Variants in KDM4C observed in about 807,000 individuals in gnomAD.
KDM4C encodes the protein lysine-specific demethylase 4C.
In KDM4C, 81 loss-of-function variants were observed where a neutral mutation model predicts 129.3. The ratio of observed to expected loss-of-function variants is 0.63; its 90% CI spans 0.52 to 0.75. The LOEUF (loss-of-function observed/expected upper bound fraction) is 0.75, where lower values mean the gene tolerates loss of function less well. Among genes scored for constraint, KDM4C ranks in the 30% least tolerant of loss-of-function variants. The pLI is 0.00. For synonymous variants in KDM4C, 573 were observed against 456.1 expected (o/e 1.26, Z -3.26); for missense variants, 1,457 against 1,304.0 (o/e 1.12, Z -1.81).
chr9:7,117,363 T>C (rs1839016676), intron 18 of KDM4C, among the ~76,000 whole-genome samples: 1 of 152,172 alleles, frequency 6.6e-6, no homozygotes, highest in African/African-American at 2.4e-5. Flanking sequence ...ATTCACCAAC[T>C]GTAATTGAGA....
chr9:7,007,867 A>G (rs936723349), intron 12 of KDM4C, among the ~76,000 whole-genome samples: 1 of 152,234 alleles, frequency 6.6e-6, no homozygotes, highest in African/African-American at 2.4e-5. Flanking sequence ...TTTTCATAAA[A>G]AATAATGATT....
At chr9:6,839,817 C>T (rs1214955086) in intron 4 of KDM4C, among the ~76,000 whole-genome samples, 9 of 151,904 alleles carry the variant, frequency 5.9e-5, no homozygotes, top group Admixed American at 5.2e-4. Flanking sequence ...TCAGGAGAAT[C>T]GCTTGAACCT....
chr9:6,834,030 C>T (rs939198435), intron 4 of KDM4C, among the ~76,000 whole-genome samples: 1 of 115,548 alleles, frequency 8.7e-6, no homozygotes, highest in African/African-American at 3.3e-5. Context: ...TGGGATATGA[C>T]TCAAGAGATA....
intron 8 of KDM4C, among the ~76,000 whole-genome samples, chr9:6,933,526 C>G (rs771100579): frequency 2.0e-5 from 3 of 152,146 alleles, no homozygotes. Flanking sequence ...GGGAATCTGG[C>G]TCTGCAAAAT....
At chr9:7,090,090 A>C (rs1404804137) in intron 17 of KDM4C, among the ~76,000 whole-genome samples, 2 of 152,178 alleles carry the variant, frequency 1.3e-5, no homozygotes, top group African/African-American at 2.4e-5. Flanking sequence ...CAGCTCCCTC[A>C]TTACACAGAG....
intron 1 of KDM4C, among the ~76,000 whole-genome samples, chr9:6,737,233 A>G (rs1264141133): frequency 6.6e-6 from 1 of 152,088 alleles, no homozygotes; most frequent in Non-Finnish European, 1.5e-5. Context: ...AACTATCAAC[A>G]GAATAAAAAG....
rs537245711 is a variant in KDM4C, at chr9:7,113,757, T to G, written c.2610+9887T>G. Among the ~76,000 whole-genome samples the G allele has an allele frequency of 1.4e-4, 21 of 152,336 alleles. No homozygotes were observed. In the South Asian group the frequency reaches 4.4e-3, roughly 32 times the overall value. ...AGCATTTGATGAGCTCCTATTATGT[T>G]GATCAATCTTCAAAGTCTGGGAAAT... On this transcript the variant is annotated intron_variant, in intron 18 of 21. Transcript: ENST00000381309.
intron 17 of KDM4C, among the ~76,000 whole-genome samples, chr9:7,064,137 T>G (rs2132720509): frequency 6.6e-6 from 1 of 152,354 alleles, no homozygotes; most frequent in Admixed American, 6.5e-5. Context: ...ACTATAGTTT[T>G]GGTAGGCCTA....
chr9:6,989,786 A>C (rs1473343849), intron 11 of KDM4C, among the ~76,000 whole-genome samples: 2 of 151,926 alleles, frequency 1.3e-5, no homozygotes, highest in East Asian at 1.9e-4. Context: ...TTACTTATTT[A>C]TTTTTGGCGA....
chr9:6,985,700 A>AT (rs904825718), intron 10 of KDM4C, among the ~76,000 whole-genome samples: 14 of 151,976 alleles, frequency 9.2e-5, no homozygotes, highest in South Asian at 4.2e-4. Flanking sequence ...AAATTTTTAA[A>AT]TTTTTTTTGA....
chr9:6,782,868 G>C (rs1292891692), intron 1 of KDM4C, among the ~76,000 whole-genome samples: 1 of 152,170 alleles, frequency 6.6e-6, no homozygotes, highest in Non-Finnish European at 1.5e-5. Context: ...AAAGACTCTT[G>C]GGGTGGTTGA....
chr9:6,959,157 C>G (rs1041890318), intron 8 of KDM4C, among the ~76,000 whole-genome samples: 1 of 152,202 alleles, frequency 6.6e-6, no homozygotes, highest in African/African-American at 2.4e-5. Context: ...CCCCCAAACA[C>G]TACTTTTAAA....
chr9:7,027,312 A>T (rs1825970464), intron 15 of KDM4C, among the ~76,000 whole-genome samples: 1 of 152,234 alleles, frequency 6.6e-6, no homozygotes, highest in Non-Finnish European at 1.5e-5. Flanking sequence ...CAAGCTCAGT[A>T]ACACTGTGGT....
At chr9:7,011,266 C>G (rs763329701) in intron 12 of KDM4C, among the ~76,000 whole-genome samples, 1 of 152,122 alleles carries the variant, frequency 6.6e-6, no homozygotes, top group African/African-American at 2.4e-5. Flanking sequence ...GAGCCATGTA[C>G]TATGTTAGAT....
At chr9:7,122,894 G>A (rs1375681132) in intron 18 of KDM4C, among the ~76,000 whole-genome samples, 1 of 152,126 alleles carries the variant, frequency 6.6e-6, no homozygotes, top group Non-Finnish European at 1.5e-5. Flanking sequence ...TCTGATGGAT[G>A]CCCTCGCATG....
intron 19 of KDM4C, among the ~76,000 whole-genome samples, chr9:7,155,212 C>T (rs950361013): frequency 2.0e-5 from 3 of 152,068 alleles, no homozygotes; most frequent in African/African-American, 7.2e-5. Context: ...GTGCCTGGTT[C>T]CTGGTGCTGA....
chr9:7,059,765 A>G (rs1831358777), intron 17 of KDM4C, among the ~76,000 whole-genome samples: 1 of 152,136 alleles, frequency 6.6e-6, no homozygotes, highest in Non-Finnish European at 1.5e-5. Context: ...ATTTAAAACA[A>G]CGCCACTCTT....
intron 9 of KDM4C, among the ~76,000 whole-genome samples, chr9:6,981,443 C>G (rs1816748828): frequency 6.6e-6 from 1 of 152,138 alleles, no homozygotes; most frequent in Non-Finnish European, 1.5e-5. Flanking sequence ...TAATCAATAA[C>G]TTGATTTTCC....
chr9:6,767,108 G>C (rs1160185220), intron 1 of KDM4C, among the ~76,000 whole-genome samples: 4 of 151,320 alleles, frequency 2.6e-5, no homozygotes, highest in African/African-American at 9.7e-5. Flanking sequence ...ATCTCATTTT[G>C]TTTTTTATCT....
Sources: gnomAD v4.1 joint callset for allele counts (sites outside exome capture counted in the v4.1 genomes callset) on GRCh38, gnomAD v4.1.1 for gene constraint, MANE v1.5 for transcripts, NCBI Gene and HGNC (gene_info 2026-07-23, HGNC 2026-07-21) for gene names.